Variants in ATP2B2 observed in about 807,000 individuals in gnomAD.
The protein encoded by ATP2B2 is plasma membrane calcium-transporting ATPase 2.
A neutral mutation model predicts 120.0 loss-of-function variants in ATP2B2; 15 were observed. That is an observed-to-expected ratio of 0.12 (90% CI 0.08 to 0.19). The LOEUF is 0.19. Among genes scored for constraint, ATP2B2 ranks in the 10% least tolerant of loss-of-function variants. The probability of loss-of-function intolerance (pLI) is 1.00; values close to 1 mark genes in which losing one functional copy is unlikely to be tolerated. For synonymous variants in ATP2B2, 694 were observed against 700.3 expected, an observed-to-expected ratio of 0.99 and a Z score of 0.14; for missense variants, 1,045 against 1,719.8, an observed-to-expected ratio of 0.61 and a Z score of 6.94.
chr3:10,687,923 G>A (rs1243045224), intron 1 of ATP2B2, among the ~76,000 whole-genome samples: 1 of 152,122 alleles, frequency 6.6e-6, no homozygotes. Context: ...TTAGCTGGGT[G>A]ACCTTAGAAA....
At chr3:10,359,861 G>T in intron 13 of ATP2B2, 21 bp downstream of exon 13, 1 of 1,614,078 alleles carries the variant, frequency 6.2e-7, no homozygotes, top group Non-Finnish European at 8.5e-7. Context: ...CCTCAGCCCC[G>T]GTGCCCTGCC....
rs142697251 is a variant in ATP2B2, at chr3:10,567,146, C to T, written c.-414-33013G>A. ...GGTGTCTCTCCTGGTGTCAATCTTC[C>T]TCCCAACCACAATCTAACTGGGGCC... On this transcript the variant is annotated intron_variant, in intron 2 of 21. Coordinates refer to the ATP2B2 transcript ENST00000646379. 1.9e-3 allele frequency among the ~76,000 whole-genome samples: 290 copies of T among 152,292 alleles called. 2 individuals carry two copies. Among genetic ancestry groups the T allele is most frequent in the African/African-American group, 6.8e-3 (282 of 41,568 alleles).
intron 3 of ATP2B2, among the ~76,000 whole-genome samples, chr3:10,531,472 G>T (rs1469496560): frequency 6.6e-6 from 1 of 152,214 alleles, no homozygotes; most frequent in Non-Finnish European, 1.5e-5. Context: ...GTACAATGGG[G>T]ATAAGAATGG....
chr3:10,628,075 G>C (rs11128520), intron 1 of ATP2B2, among the ~76,000 whole-genome samples: 1 of 151,948 alleles, frequency 6.6e-6, no homozygotes, highest in Non-Finnish European at 1.5e-5. Context: ...GGCACATTCC[G>C]GGACCAGCAG....
chr3:10,449,485 T>A lies in ATP2B2; in HGVS notation c.59A>T (p.His20Leu), dbSNP rs375463057. 6.2e-7 allele frequency: 1 copy of A among 1,614,138 alleles called. No homozygotes were observed. The highest frequency in any genetic ancestry group is 1.3e-5 in the African/African-American group (1 of 74,952). ...CATTGTGCACCCGAACTCGCCCCCA[T>A]GGCTCGACTCATTTCTTTGGTTTTT... ...YSKNQRNESS[H>L]GGEFGCTMEE... The change falls in exon 2 of 23, where the codon CAT becomes CTT. Residue 20 changes from histidine to leucine, a missense_variant. Around this residue, in one of 11 missense-constraint regions of ATP2B2, gnomAD observed 139 missense variants for 134.2 expected, o/e 1.04. Coordinates refer to ENST00000360273, the MANE Select transcript of ATP2B2 (RefSeq NM_001001331.4).
At chr3:10,405,914 G>A (rs535744111) in intron 3 of ATP2B2, among the ~76,000 whole-genome samples, 3 of 152,312 alleles carry the variant, frequency 2.0e-5, no homozygotes, top group African/African-American at 7.2e-5. Flanking sequence ...CAGGGGGTTA[G>A]GGGCACTGAG....
chr3:10,401,390 G>A (rs995978146), intron 4 of ATP2B2, among the ~76,000 whole-genome samples: 15 of 152,138 alleles, frequency 9.9e-5, no homozygotes, highest in Non-Finnish European at 7.3e-5. Flanking sequence ...CCAACAATTC[G>A]TTCTTCTGTA....
chr3:10,661,184 G>A (rs571176474), intron 1 of ATP2B2, among the ~76,000 whole-genome samples: 2 of 152,120 alleles, frequency 1.3e-5, no homozygotes, highest in South Asian at 4.2e-4. Context: ...CTGAAAACTG[G>A]CACAAGACAA....
intron 13 of ATP2B2, 150 bp from the exon 14 acceptor site, chr3:10,359,075 G>T: frequency 1.3e-6 from 1 of 789,352 alleles, no homozygotes; most frequent in Non-Finnish European, 2.0e-6. Context: ...GTGAAATCAA[G>T]CATTCGTCCT....
chr3:10,429,625 T>C (rs1341191428), intron 2 of ATP2B2, among the ~76,000 whole-genome samples: 1 of 152,116 alleles, frequency 6.6e-6, no homozygotes, highest in African/African-American at 2.4e-5. Flanking sequence ...CCCTATTCCC[T>C]GAGACACAAC....
At chr3:10,331,038 C>A (rs1339670512) in intron 22 of ATP2B2, among the ~76,000 whole-genome samples, 2 of 152,184 alleles carry the variant, frequency 1.3e-5, no homozygotes, top group African/African-American at 4.8e-5. Context: ...CTGAAAAGCA[C>A]CTCTGTCCTT....
intron 2 of ATP2B2, among the ~76,000 whole-genome samples, chr3:10,597,284 T>C (rs374950600): frequency 2.3e-4 from 16 of 70,314 alleles, no homozygotes; most frequent in African/African-American, 5.0e-4. Flanking sequence ...CACACACAGG[T>C]ACACACACAC....
rs2060432426 is a variant in ATP2B2 at position 10,346,365 on chromosome 3, GGGCCCT to G, written c.2405-234_2405-229del. Among the ~76,000 whole-genome samples the G allele has an allele frequency of 6.6e-6, 1 of 152,202 alleles. No homozygotes were observed. Among genetic ancestry groups the G allele is most frequent in the Non-Finnish European group, 1.5e-5 (1 of 68,018 alleles). Reference sequence around the variant, plus strand: ...GCCGACTTGGGGCCCCCTGTGGCCCGGGCCCTGCTCACCTCTCCAGCCCCCTCTTTG... The same window carrying G: ...GCCGACTTGGGGCCCCCTGTGGCCCGGCTCACCTCTCCAGCCCCCTCTTTG... On this transcript the variant is annotated intron_variant, in intron 16 of 22. Transcript: ENST00000360273. The surrounding 1 kb of genome is among the most constrained non-coding windows in gnomAD (Gnocchi z 4.1).
At chr3:10,628,529 G>A (rs1315763805) in intron 1 of ATP2B2, among the ~76,000 whole-genome samples, 2 of 152,220 alleles carry the variant, frequency 1.3e-5, no homozygotes, top group South Asian at 2.1e-4. Context: ...CCCTACACCC[G>A]GAGGCAGGCC....
At chr3:10,482,940 G>A (rs1471863900) in intron 1 of ATP2B2, among the ~76,000 whole-genome samples, 1 of 152,228 alleles carries the variant, frequency 6.6e-6, no homozygotes, top group African/African-American at 2.4e-5. Context: ...CCTCCCACTG[G>A]ACCCTGACAA....
intron 2 of ATP2B2, among the ~76,000 whole-genome samples, chr3:10,552,283 G>C (rs1231116397): frequency 6.6e-6 from 1 of 152,202 alleles, no homozygotes; most frequent in Non-Finnish European, 1.5e-5. Context: ...GGGAAGAGGG[G>C]GCCCTTCTCC....
rs2069124905 is a variant in ATP2B2 at position 10,607,732 on chromosome 3, C to CA, written c.-415+12184dup. On this transcript the variant is annotated intron_variant, in intron 2 of 21. Coordinates refer to the ATP2B2 transcript ENST00000646379. ...GGCCAAGCTAAGCCTGCTGTAGGTGCAGGGTGAGATCTTTCTGTTTGAGTG... is the reference window on the plus strand; with the variant it reads ...GGCCAAGCTAAGCCTGCTGTAGGTGCAAGGGTGAGATCTTTCTGTTTGAGTG... Among the ~76,000 whole-genome samples, 3 of 152,216 alleles carry CA rather than the reference C, an allele frequency of 2.0e-5. No homozygotes were observed. In the South Asian group the frequency reaches 6.2e-4, roughly 31 times the overall value.
At position 10,541,376 on chromosome 3, in the gene ATP2B2, ATTCT is replaced by A. The variant is rs531204689; in HGVS notation, c.-414-7247_-414-7244del. Among the ~76,000 whole-genome samples, 14 of 152,134 alleles carry A rather than the reference ATTCT, an allele frequency of 9.2e-5. No individual in the cohort carries two copies. In the East Asian group the frequency reaches 2.5e-3, roughly 27 times the overall value. On this transcript the variant is annotated intron_variant, in intron 2 of 21. Transcript: ENST00000646379. ...AGGGGCTTAGATTGTTGATTTCAGA[ATTCT>A]TTATTTGCTAGTTATGCATGATGCT...
chr3:10,637,638 T>G (rs768292115), intron 1 of ATP2B2, among the ~76,000 whole-genome samples: 30 of 152,292 alleles, frequency 2.0e-4, no homozygotes, highest in Non-Finnish European at 4.3e-4. Flanking sequence ...AGAGTATCAG[T>G]GAGCTGTGGG....
Sources: gnomAD v4.1 joint callset for allele counts (sites outside exome capture counted in the v4.1 genomes callset) on GRCh38, gnomAD v4.1.1 for gene constraint, gnomAD v4.1.1 regional missense constraint, Gnocchi (gnomAD v3.1) non-coding constraint, MANE v1.5 for transcripts, NCBI Gene and HGNC (gene_info 2026-07-23, HGNC 2026-07-21) for gene names.